CDK5RAP2: variants seen among roughly 807,000 people sequenced by gnomAD.
CDK5RAP2 encodes CDK5 regulatory subunit associated protein 2, also known as CDK5 regulatory subunit-associated protein 2.
CDK5RAP2 carries 147 observed loss-of-function variants against 232.9 expected under a neutral mutation model. The observed-to-expected ratio is 0.63, with a 90% confidence interval of 0.55 to 0.72. The LOEUF (loss-of-function observed/expected upper bound fraction) is 0.72, where lower values mean the gene tolerates loss of function less well. CDK5RAP2 is among the 30% of genes least tolerant of loss of function. The pLI, the probability that CDK5RAP2 is intolerant of heterozygous loss-of-function variation, is 0.00. For synonymous variants in CDK5RAP2, 833 were observed against 833.7 expected (o/e 1.00, Z 0.01); for missense variants, 2,195 against 2,231.5 (o/e 0.98, Z 0.33).
intron 13 of CDK5RAP2, 90 bp from the exon 14 acceptor site, chr9:120,487,527 ATT>A (rs907156056): frequency 5.0e-6 from 5 of 1,006,190 alleles, no homozygotes; most frequent in African/African-American, 1.7e-5. Flanking sequence ...AAAATATTTT[ATT>A]TTTTCATAAT....
chr9:120,570,763 C>T (rs906690264), intron 2 of CDK5RAP2, among the ~76,000 whole-genome samples: 67 of 151,976 alleles, frequency 4.4e-4, no homozygotes, highest in Non-Finnish European at 8.4e-4. Context: ...TGCTTGAACC[C>T]ACGAGGCGGA....
chr9:120,392,472 A>C (rs2032080010), intron 36 of CDK5RAP2, among the ~76,000 whole-genome samples: 1 of 152,128 alleles, frequency 6.6e-6, no homozygotes, highest in Non-Finnish European at 1.5e-5. Flanking sequence ...AACCCATCGA[A>C]ACCTACTTCT....
Position 120,415,102 on chromosome 9 carries a change from G to T in CDK5RAP2, c.4235C>A (p.Ser1412Tyr), listed in dbSNP as rs201387927. The T allele has an allele frequency of 6.1e-5, 99 of 1,614,076 alleles. No homozygotes were observed. In the African/African-American group the frequency reaches 1.1e-3, roughly 19 times the overall value. Residue 1412 changes from serine to tyrosine, a missense_variant, in exon 28 of 38, where the codon TCT (serine) becomes TAT (tyrosine). Ser to Tyr is a moderately radical substitution (Grantham distance 144). Coordinates refer to ENST00000349780, the MANE Select transcript of CDK5RAP2 (RefSeq NM_018249.6). ...CCGTAGCTTCTCATTTGTTTTAATAGATTCTTCTAAACGCTTTCTCAAAGT... is the reference window on the plus strand; with the variant it reads ...CCGTAGCTTCTCATTTGTTTTAATATATTCTTCTAAACGCTTTCTCAAAGT... ...IRTLRKRLEE[S>Y]IKTNEKLRKQ...
chr9:120,489,013 G>T (rs575364005), intron 13 of CDK5RAP2, among the ~76,000 whole-genome samples: 2 of 152,124 alleles, frequency 1.3e-5, no homozygotes, highest in Admixed American at 6.5e-5. Flanking sequence ...ATCATCCTAC[G>T]AGAGCTTCCA....
chr9:120,482,442 T>A (rs2038372723), intron 14 of CDK5RAP2, among the ~76,000 whole-genome samples: 1 of 152,208 alleles, frequency 6.6e-6, no homozygotes, highest in South Asian at 2.1e-4. Context: ...TCAGTGGAAC[T>A]GGGAAATCCC....
chr9:120,513,927 T>A (rs1460822778), intron 12 of CDK5RAP2, among the ~76,000 whole-genome samples: 3 of 152,166 alleles, frequency 2.0e-5, no homozygotes, highest in African/African-American at 7.2e-5. Flanking sequence ...TATGCAAGGC[T>A]AGTGTGTTAT....
At chr9:120,413,851 A>G (rs2034036273) in intron 28 of CDK5RAP2, among the ~76,000 whole-genome samples, 2 of 148,912 alleles carry the variant, frequency 1.3e-5, no homozygotes, top group South Asian at 2.2e-4. Context: ...GGGAAGGAGG[A>G]GGGAGGGAGA....
chr9:120,564,090 A>G (rs1379161411), intron 3 of CDK5RAP2, among the ~76,000 whole-genome samples: 1 of 152,214 alleles, frequency 6.6e-6, no homozygotes, highest in Admixed American at 6.5e-5. Context: ...CCTATTCCAT[A>G]GTATCTACTG....
intron 3 of CDK5RAP2, among the ~76,000 whole-genome samples, chr9:120,558,316 T>TGAGCCGA (rs1321840867): frequency 1.7e-5 from 2 of 114,758 alleles, no homozygotes; most frequent in Non-Finnish European, 3.3e-5. Flanking sequence ...GAGCTTGCAG[T>TGAGCCGA]GAGCCGAGAT....
At chr9:120,482,919 C>T (rs1449366941) in intron 14 of CDK5RAP2, among the ~76,000 whole-genome samples, 1 of 152,190 alleles carries the variant, frequency 6.6e-6, no homozygotes, top group Non-Finnish European at 1.5e-5. Context: ...CACCTATTCC[C>T]CTGCGTTGAA....
chr9:120,531,748 T>C (rs1479107963), intron 7 of CDK5RAP2, among the ~76,000 whole-genome samples: 2 of 152,218 alleles, frequency 1.3e-5, no homozygotes, highest in African/African-American at 4.8e-5. Flanking sequence ...AGAGCTGCCC[T>C]AGTGAAGCAC....
rs568253321 is a variant in CDK5RAP2 at position 120,460,538 on chromosome 9, A to T, written c.2202+34T>A. The T allele has an allele frequency of 8.2e-6, 13 of 1,592,076 alleles. 2 individuals are homozygous for T. The South Asian group carries it at 1.3e-4, about 16-fold the overall frequency. The stretch of plus-strand genomic sequence containing the variant: ...GACTGATTTGGACATAGAGTGGAGT[A>T]GATGAAATAAGGAGTTAACTGAAAG... On this transcript the variant is annotated intron_variant, in intron 19 of 37. Transcript: ENST00000349780.
rs2033179776 is a variant in CDK5RAP2, at chr9:120,403,132, T to C, written c.5042-61A>G. On this transcript the variant is annotated intron_variant, in intron 33 of 37. Coordinates refer to ENST00000349780, the MANE Select transcript of CDK5RAP2 (RefSeq NM_018249.6). The surrounding 1 kb of genome is among the most constrained non-coding windows in gnomAD (Gnocchi z 4.2). Reference sequence around the variant, plus strand: ...AGGTAACACTCTGCGTTCAAGACGCTTATGATGTTGAAGCTAGCTAGGAGG... The same window carrying C: ...AGGTAACACTCTGCGTTCAAGACGCCTATGATGTTGAAGCTAGCTAGGAGG... 1.3e-6 allele frequency: 2 copies of C among 1,571,898 alleles called. No individual in the cohort carries two copies. Among genetic ancestry groups the C allele is most frequent in the Non-Finnish European group, 8.7e-7 (1 of 1,143,114 alleles).
intron 35 of CDK5RAP2, among the ~76,000 whole-genome samples, chr9:120,399,310 C>T (rs2032786953): frequency 6.6e-6 from 1 of 152,084 alleles, no homozygotes; most frequent in Non-Finnish European, 1.5e-5. Flanking sequence ...GTCAACTGTT[C>T]AGTTCAGACA....
intron 21 of CDK5RAP2, among the ~76,000 whole-genome samples, chr9:120,452,300 T>G (rs2036521908): frequency 6.6e-6 from 1 of 151,988 alleles, no homozygotes; most frequent in African/African-American, 2.4e-5. Context: ...TAGAAAACTC[T>G]TTTCTAGAAA....
At chr9:120,411,576 C>A in intron 28 of CDK5RAP2, 102 bp from the exon 29 acceptor site, 1 of 715,854 alleles carries the variant, frequency 1.4e-6, no homozygotes. Flanking sequence ...ACACAACATA[C>A]AATGAAAATC....
intron 7 of CDK5RAP2, among the ~76,000 whole-genome samples, chr9:120,531,039 A>C (rs943995882): frequency 7.2e-5 from 11 of 152,160 alleles, no homozygotes; most frequent in Non-Finnish European, 1.3e-4. Flanking sequence ...AAAATAAAAA[A>C]CGGTGAAACT....
chr9:120,474,570 G>A (rs1377183278), intron 15 of CDK5RAP2, among the ~76,000 whole-genome samples: 1 of 152,180 alleles, frequency 6.6e-6, no homozygotes, highest in Non-Finnish European at 1.5e-5. Flanking sequence ...CCTCAAGATG[G>A]GGAGTGTATC....
chr9:120,409,035 A>G, intron 30 of CDK5RAP2, 92 bp downstream of exon 30: 1 of 1,222,436 alleles, frequency 8.2e-7, no homozygotes, highest in Non-Finnish European at 1.2e-6. Context: ...CTGTGCACTA[A>G]GGCAGAGGCC....
Sources: allele counts gnomAD v4.1 joint callset (sites outside exome capture counted in the v4.1 genomes callset), GRCh38; gene constraint gnomAD v4.1.1; non-coding constraint Gnocchi (gnomAD v3.1); transcripts MANE v1.5; gene names NCBI Gene and HGNC (gene_info 2026-07-23, HGNC 2026-07-21).